Variants in FMN1 observed in about 807,000 individuals in gnomAD.
FMN1 encodes formin-1.
FMN1 carries 110 observed loss-of-function variants against 132.4 expected under a neutral mutation model. The observed-to-expected ratio is 0.83, with a 90% CI of 0.71 to 0.97. The LOEUF is 0.97. Ranked by LOEUF, FMN1 falls within the 50% of genes least tolerant of loss-of-function variation. FMN1 has a pLI of 0.00. For missense variants in FMN1, 1,792 were observed against 1,705.3 expected, an observed-to-expected ratio of 1.05 and a Z score of -0.90; for synonymous variants, 722 against 651.7, an observed-to-expected ratio of 1.11 and a Z score of -1.64.
chr15:32,882,226 T>G (rs1391153878), intron 16 of FMN1, among the ~76,000 whole-genome samples: 1 of 152,244 alleles, frequency 6.6e-6, no homozygotes, highest in Non-Finnish European at 1.5e-5. Flanking sequence ...TCACATTTTT[T>G]GTGCTTTTAG....
intron 6 of FMN1, among the ~76,000 whole-genome samples, chr15:33,022,074 A>G (rs972939263): frequency 9.2e-5 from 14 of 152,232 alleles, no homozygotes; most frequent in South Asian, 6.2e-4. Context: ...GTCCTTATAT[A>G]TAAATGGTGT....
chr15:32,936,617 G>A (rs1250010203), intron 9 of FMN1, among the ~76,000 whole-genome samples: 3 of 151,568 alleles, frequency 2.0e-5, no homozygotes, highest in Non-Finnish European at 4.4e-5. Context: ...CAGAGTCAAA[G>A]AAGGAAAAGG....
intron 18 of FMN1, 142 bp from the exon 19 acceptor site, chr15:32,799,095 G>T: frequency 1.5e-6 from 1 of 661,540 alleles, no homozygotes; most frequent in Non-Finnish European, 2.5e-6. Context: ...AGTTACTGAA[G>T]TTTATTGTAA....
intron 4 of FMN1, among the ~76,000 whole-genome samples, chr15:33,120,241 A>C (rs1227125346): frequency 2.0e-5 from 3 of 152,214 alleles, no homozygotes; most frequent in Non-Finnish European, 4.4e-5. Context: ...ATTAAACATA[A>C]GGCAATTACA....
rs375165383 is a variant in FMN1, at chr15:33,192,864, T to C, written c.-197+1045A>G. 1.4e-3 allele frequency among the ~76,000 whole-genome samples: 219 copies of C among 152,334 alleles called. 1 individual carries two copies. Among genetic ancestry groups the C allele is most frequent in the African/African-American group, 5.2e-3 (216 of 41,588 alleles). On this transcript the variant is annotated intron_variant, in intron 2 of 20. Coordinates refer to ENST00000616417, the MANE Select transcript of FMN1 (RefSeq NM_001277313.2). ...ATTTTACCTATATTATCTCGTTTAA[T>C]CCTCACACCTTCTCCTAAGAGACAG...
chr15:32,979,192 G>T (rs2032444356), intron 7 of FMN1, among the ~76,000 whole-genome samples: 1 of 152,038 alleles, frequency 6.6e-6, no homozygotes, highest in African/African-American at 2.4e-5. Context: ...CAACAAAGAT[G>T]GCCTCCCTAC....
At chr15:33,063,056 CAGG>C (rs1335331423) in intron 6 of FMN1, 1 of 152,212 alleles carries the variant, frequency 6.6e-6, no homozygotes, top group African/African-American at 2.4e-5. Context: ...GATTCTTCTC[CAGG>C]AGGGCTTTAG....
chr15:32,774,542 C>A (rs1409398723), intron 20 of FMN1, among the ~76,000 whole-genome samples, 188 bp from the exon 21 acceptor site: 2 of 152,044 alleles, frequency 1.3e-5, no homozygotes, highest in Non-Finnish European at 2.9e-5. Flanking sequence ...ACCCTTACTC[C>A]CCAGAAAAAC....
At chr15:33,138,589 C>T (rs930241054) in intron 4 of FMN1, among the ~76,000 whole-genome samples, 2 of 152,068 alleles carry the variant, frequency 1.3e-5, no homozygotes, top group African/African-American at 4.8e-5. Context: ...TACTAGATAA[C>T]CTGACTCCTC....
At chr15:33,189,697 T>C (rs914713064) in intron 2 of FMN1, among the ~76,000 whole-genome samples, 4 of 152,182 alleles carry the variant, frequency 2.6e-5, no homozygotes, top group Non-Finnish European at 5.9e-5. Context: ...CTATGATCCT[T>C]GATTTCCTCA....
At chr15:33,128,645 G>A (rs142203700) in intron 4 of FMN1, among the ~76,000 whole-genome samples, 1 of 152,258 alleles carries the variant, frequency 6.6e-6, no homozygotes, top group African/African-American at 2.4e-5. Flanking sequence ...CTTAAAGACG[G>A]TGCGTCCGGA....
chr15:32,882,266 G>A (rs1204241631), intron 16 of FMN1, among the ~76,000 whole-genome samples: 1 of 152,228 alleles, frequency 6.6e-6, no homozygotes, highest in Non-Finnish European at 1.5e-5. Flanking sequence ...AAGGAACAAA[G>A]TACGGCACAG....
At position 32,968,711 on chromosome 15, in the gene FMN1, T is replaced by C; in HGVS notation, c.2987+3A>G. 1 of 1,613,688 alleles carries C rather than the reference T, an allele frequency of 6.2e-7. No homozygotes were observed. The highest frequency in any genetic ancestry group is 8.5e-7 in the Non-Finnish European group (1 of 1,179,766). On this transcript the variant is annotated splice_donor_region_variant and intron_variant, in intron 8 of 20. Coordinates refer to ENST00000616417, the MANE Select transcript of FMN1 (RefSeq NM_001277313.2). ...GCTGAGAATGGGATAGGGGAGAACT[T>C]ACCTCCTATCACTTATTTGTATCCT...
chr15:32,850,546 G>GA (rs1371977590), intron 17 of FMN1, among the ~76,000 whole-genome samples: 1 of 152,084 alleles, frequency 6.6e-6, no homozygotes, highest in Admixed American at 6.6e-5. Flanking sequence ...CAAGGAGGAG[G>GA]AAAAAATAGC....
At chr15:33,056,413 A>G (rs2037217999) in intron 6 of FMN1, among the ~76,000 whole-genome samples, 1 of 152,250 alleles carries the variant, frequency 6.6e-6, no homozygotes, top group Non-Finnish European at 1.5e-5. Flanking sequence ...TATAGTCAGA[A>G]AAAGGAAAAT....
chr15:32,894,264 C>T (rs145829418), intron 15 of FMN1, among the ~76,000 whole-genome samples: 320 of 152,226 alleles, frequency 2.1e-3, no homozygotes, highest in Non-Finnish European at 3.3e-3. Flanking sequence ...GCGGGTGGAT[C>T]ACTTGAGGTC....
intron 6 of FMN1, among the ~76,000 whole-genome samples, chr15:33,055,041 T>C (rs1442242914): frequency 1.3e-5 from 2 of 152,110 alleles, no homozygotes; most frequent in Non-Finnish European, 2.9e-5. Flanking sequence ...GAACAACTAG[T>C]TCAGGCCATG....
intron 17 of FMN1, among the ~76,000 whole-genome samples, chr15:32,805,345 C>T (rs570475648): frequency 2.7e-4 from 41 of 152,176 alleles, no homozygotes; most frequent in African/African-American, 9.9e-4. Context: ...GCCCACTTTT[C>T]GATGGGGTTG....
intron 5 of FMN1, among the ~76,000 whole-genome samples, chr15:33,085,316 C>CATA (rs2038644714): frequency 6.6e-6 from 1 of 151,926 alleles, no homozygotes; most frequent in Admixed American, 6.6e-5. Context: ...AATATTTAAA[C>CATA]ATATAGGAGT....
Sources: gnomAD v4.1 joint callset for allele counts (sites outside exome capture counted in the v4.1 genomes callset) on GRCh38, gnomAD v4.1.1 for gene constraint, MANE v1.5 for transcripts, NCBI Gene and HGNC (gene_info 2026-07-23, HGNC 2026-07-21) for gene names.